GABRB1: variants seen among roughly 807,000 people sequenced by gnomAD.
GABRB1 encodes the protein gamma-aminobutyric acid receptor subunit beta-1.
Under a neutral mutation model 51.6 loss-of-function variants are expected in GABRB1, and 17 were observed. The observed-to-expected ratio is 0.33, with a 90% CI of 0.23 to 0.49. The LOEUF is 0.49. Ranked by LOEUF, GABRB1 falls within the 20% of genes least tolerant of loss-of-function variation. The probability of loss-of-function intolerance (pLI) is 0.99; values close to 1 mark genes in which losing one functional copy is unlikely to be tolerated. For synonymous variants in GABRB1, 247 were observed against 218.9 expected (o/e 1.13, Z -1.14); for missense variants, 410 against 600.6 (o/e 0.68, Z 3.32).
intron 1 of GABRB1, among the ~76,000 whole-genome samples, chr4:47,025,335 T>C (rs1421155849): frequency 6.6e-6 from 1 of 151,984 alleles, no homozygotes; most frequent in Non-Finnish European, 1.5e-5. Context: ...TTTTCCATAG[T>C]GGTTGTACTA....
At chr4:47,300,839 T>A (rs1724232086) in intron 4 of GABRB1, among the ~76,000 whole-genome samples, 1 of 152,146 alleles carries the variant, frequency 6.6e-6, no homozygotes, top group Admixed American at 6.5e-5. Context: ...TCTTAATTGA[T>A]TTAAGCTCAA....
At chr4:47,115,650 T>C (rs550167375) in intron 3 of GABRB1, among the ~76,000 whole-genome samples, 48 of 152,218 alleles carry the variant, frequency 3.2e-4, no homozygotes, top group African/African-American at 1.1e-3. Context: ...TCTGCTTTTT[T>C]AATACATTGA....
At chr4:47,130,142 A>T (rs1240416938) in intron 3 of GABRB1, among the ~76,000 whole-genome samples, 2 of 152,092 alleles carry the variant, frequency 1.3e-5, no homozygotes, top group African/African-American at 2.4e-5. Flanking sequence ...TCTGATACCA[A>T]GTGTTTTATT....
chr4:47,069,059 T>C (rs1221452204), intron 3 of GABRB1, among the ~76,000 whole-genome samples: 1 of 152,170 alleles, frequency 6.6e-6, no homozygotes, highest in Non-Finnish European at 1.5e-5. Context: ...CTTTCCTCCA[T>C]TTCCATTTTT....
At chr4:47,170,741 T>C (rs1178078787) in intron 4 of GABRB1, among the ~76,000 whole-genome samples, 3 of 152,112 alleles carry the variant, frequency 2.0e-5, no homozygotes, top group Non-Finnish European at 4.4e-5. Context: ...CTATTTCAAA[T>C]GGAAGAGAGA....
At chr4:47,326,409 C>T (rs1725265397) in intron 5 of GABRB1, among the ~76,000 whole-genome samples, 1 of 152,168 alleles carries the variant, frequency 6.6e-6, no homozygotes, top group Admixed American at 6.5e-5. Context: ...AGAGAGATCA[C>T]ATTCATGTAA....
chr4:47,348,616 A>C (rs1284545660), intron 5 of GABRB1, among the ~76,000 whole-genome samples: 1 of 152,238 alleles, frequency 6.6e-6, no homozygotes, highest in Non-Finnish European at 1.5e-5. Flanking sequence ...TTCTGGTTCC[A>C]AACAATTCAA....
At chr4:47,227,513 A>C (rs1024828223) in intron 4 of GABRB1, among the ~76,000 whole-genome samples, 4 of 152,142 alleles carry the variant, frequency 2.6e-5, no homozygotes, top group East Asian at 1.9e-4. Context: ...TAGATAGAGA[A>C]TCTGAACTGC....
intron 4 of GABRB1, among the ~76,000 whole-genome samples, chr4:47,216,149 A>T (rs1720548451): frequency 6.6e-6 from 1 of 152,030 alleles, no homozygotes; most frequent in African/African-American, 2.4e-5. Context: ...GTCAGATTTC[A>T]TGAGAAACTT....
At chr4:47,115,718 A>C (rs1715448773) in intron 3 of GABRB1, among the ~76,000 whole-genome samples, 1 of 141,440 alleles carries the variant, frequency 7.1e-6, no homozygotes, top group Non-Finnish European at 1.7e-5. Flanking sequence ...TTCTAACACA[A>C]TAAGATTTTT....
chr4:47,171,945 T>A (rs1383520956), intron 4 of GABRB1, among the ~76,000 whole-genome samples: 1 of 152,166 alleles, frequency 6.6e-6, no homozygotes, highest in Non-Finnish European at 1.5e-5. Context: ...CAATTCAACT[T>A]CTATTTTATG....
chr4:47,042,853 A>G (rs1037049145), intron 3 of GABRB1, among the ~76,000 whole-genome samples: 3 of 151,976 alleles, frequency 2.0e-5, no homozygotes, highest in African/African-American at 7.3e-5. Context: ...TTTTGTATGT[A>G]TACAAAATTA....
chr4:47,406,533 T>C (rs769839992), intron 7 of GABRB1, 149 bp from the exon 8 acceptor site: 2 of 834,016 alleles, frequency 2.4e-6, no homozygotes, highest in Non-Finnish European at 3.8e-6. Context: ...TTTCAAAATA[T>C]CTGCCCTTTT....
intron 8 of GABRB1, among the ~76,000 whole-genome samples, chr4:47,407,785 G>C (rs560067515): frequency 2.0e-5 from 3 of 152,088 alleles, no homozygotes; most frequent in Non-Finnish European, 4.4e-5. Context: ...ATATCAAAAG[G>C]ATAATTTTAG....
At chr4:47,285,934 A>G (rs538740048) in intron 4 of GABRB1, among the ~76,000 whole-genome samples, 1 of 152,352 alleles carries the variant, frequency 6.6e-6, no homozygotes, top group East Asian at 1.9e-4. Context: ...AAGTAAGTTA[A>G]CTAGTTTTAA....
chr4:47,357,042 A>C lies in GABRB1; in HGVS notation c.544+36833A>C, dbSNP rs569939760. On this transcript the variant is annotated intron_variant, in intron 5 of 8. Coordinates refer to ENST00000295454, the MANE Select transcript of GABRB1 (RefSeq NM_000812.4). ...AGTGGTCACTTTGATGCTAAGCAGA[A>C]AGCCAAGATACAAACCTCATTTTTT... Among the ~76,000 whole-genome samples the C allele has an allele frequency of 3.4e-3, 513 of 152,326 alleles. 1 individual carries two copies. The highest frequency in any genetic ancestry group is 0.012 in the African/African-American group (486 of 41,574).
chr4:47,237,407 C>T (rs1403528155), intron 4 of GABRB1, among the ~76,000 whole-genome samples: 2 of 151,804 alleles, frequency 1.3e-5, no homozygotes. Context: ...GAGAAACATG[C>T]AAAGTATTGA....
At chr4:47,114,058 GATGC>G (rs1274816236) in intron 3 of GABRB1, among the ~76,000 whole-genome samples, 3 of 152,198 alleles carry the variant, frequency 2.0e-5, no homozygotes, top group African/African-American at 7.2e-5. Context: ...CCAAGCTAGA[GATGC>G]ATATGCAGTT....
intron 3 of GABRB1, among the ~76,000 whole-genome samples, chr4:47,071,933 C>T (rs1454621313): frequency 3.3e-5 from 5 of 151,292 alleles, no homozygotes; most frequent in Non-Finnish European, 7.4e-5. Context: ...GGTGATGAAA[C>T]TGAGGTTAGA....
Sources: allele counts gnomAD v4.1 joint callset (sites outside exome capture counted in the v4.1 genomes callset), GRCh38; gene constraint gnomAD v4.1.1; transcripts MANE v1.5; gene names NCBI Gene and HGNC (gene_info 2026-07-23, HGNC 2026-07-21).